MARCHF4: variants seen among roughly 807,000 people sequenced by gnomAD.
The protein encoded by MARCHF4 is membrane associated ring-CH-type finger 4, also known as E3 ubiquitin-protein ligase MARCHF4.
MARCHF4 carries 14 observed loss-of-function variants against 43.9 expected under a neutral mutation model. That is an observed-to-expected ratio of 0.32 (90% CI 0.21 to 0.50). MARCHF4 has a LOEUF of 0.50. Among genes scored for constraint, MARCHF4 ranks in the 20% least tolerant of loss-of-function variants. MARCHF4 has a pLI of 0.98. For missense variants in MARCHF4, 468 were observed against 536.7 expected (o/e 0.87, Z 1.27); for synonymous variants, 226 against 213.3 (o/e 1.06, Z -0.52).
chr2:216,293,140 C>T (rs1380694596), intron 1 of MARCHF4, among the ~76,000 whole-genome samples: 1 of 152,140 alleles, frequency 6.6e-6, no homozygotes, highest in Non-Finnish European at 1.5e-5. Flanking sequence ...TGTCTGATAG[C>T]GTGTGAGCAG....
At chr2:216,328,503 A>C (rs1440584587) in intron 1 of MARCHF4, among the ~76,000 whole-genome samples, 3 of 152,180 alleles carry the variant, frequency 2.0e-5, no homozygotes, top group Admixed American at 1.3e-4. Context: ...CCTAGGACTT[A>C]TGGTTCTATT....
intron 1 of MARCHF4, among the ~76,000 whole-genome samples, chr2:216,303,025 A>C (rs913389680): frequency 2.0e-5 from 3 of 151,874 alleles, no homozygotes; most frequent in African/African-American, 7.3e-5. Flanking sequence ...TTCTTCTCTC[A>C]CAGCTCCTTT....
chr2:216,277,879 G>A lies in MARCHF4; in HGVS notation c.673-15C>T, dbSNP rs1325551691. On this transcript the variant is annotated splice_polypyrimidine_tract_variant and intron_variant, in intron 2 of 3. Transcript: ENST00000273067. ...ATGGCCTGCCACTGCAGGGGAGAGA[G>A]TGGCCAGTTAGCAGTTGCTTGGATG... The A allele has an allele frequency of 1.3e-6, 2 of 1,596,760 alleles. No homozygotes were observed. The highest frequency in any genetic ancestry group is 2.2e-5 in the South Asian group (2 of 90,028).
chr2:216,364,215 A>G (rs1270731963), intron 1 of MARCHF4, among the ~76,000 whole-genome samples: 1 of 151,980 alleles, frequency 6.6e-6, no homozygotes, highest in African/African-American at 2.4e-5. Context: ...TTTTTCCTAA[A>G]TGTTCTCTTT....
chr2:216,356,090 T>C (rs570476724), intron 1 of MARCHF4, among the ~76,000 whole-genome samples: 1 of 152,204 alleles, frequency 6.6e-6, no homozygotes, highest in Non-Finnish European at 1.5e-5. Flanking sequence ...GGGATCACCA[T>C]GGGATAAATA....
intron 1 of MARCHF4, among the ~76,000 whole-genome samples, chr2:216,316,450 T>C (rs1691777803): frequency 6.6e-6 from 1 of 152,112 alleles, no homozygotes; most frequent in Non-Finnish European, 1.5e-5. Flanking sequence ...GCTCTCTGAT[T>C]CAAGGAAAGA....
chr2:216,366,387 C>A (rs1220996112), intron 1 of MARCHF4, among the ~76,000 whole-genome samples: 2 of 152,158 alleles, frequency 1.3e-5, no homozygotes, highest in East Asian at 3.9e-4. Context: ...GTTCTACAGT[C>A]TCATGGGCCC....
At chr2:216,283,320 A>G (rs988986192) in intron 2 of MARCHF4, among the ~76,000 whole-genome samples, 1 of 149,728 alleles carries the variant, frequency 6.7e-6, no homozygotes, top group African/African-American at 2.5e-5. Flanking sequence ...GATTCTCCAC[A>G]CTTCTTTCCT....
chr2:216,316,169 C>T (rs1042376386), intron 1 of MARCHF4, among the ~76,000 whole-genome samples: 3 of 152,204 alleles, frequency 2.0e-5, no homozygotes, highest in African/African-American at 4.8e-5. Flanking sequence ...GGTGACACAG[C>T]GCGACACTGC....
At chr2:216,272,524 A>G (rs1167311975) in intron 3 of MARCHF4, among the ~76,000 whole-genome samples, 4 of 152,200 alleles carry the variant, frequency 2.6e-5, no homozygotes, top group Non-Finnish European at 5.9e-5. Flanking sequence ...GAAGAAATAG[A>G]TAGTAGAAAG....
At chr2:216,265,000 C>G (rs1002563325) in intron 3 of MARCHF4, among the ~76,000 whole-genome samples, 1 of 151,956 alleles carries the variant, frequency 6.6e-6, no homozygotes, top group African/African-American at 2.4e-5. Flanking sequence ...GGCAGCGTAC[C>G]GAAGAAACAG....
chr2:216,300,813 CA>C (rs1212308017), intron 1 of MARCHF4, among the ~76,000 whole-genome samples: 1 of 152,126 alleles, frequency 6.6e-6, no homozygotes, highest in Non-Finnish European at 1.5e-5. Flanking sequence ...CTAAAGGAAT[CA>C]AAGGGTATCT....
At chr2:216,340,864 C>A (rs926887774) in intron 1 of MARCHF4, among the ~76,000 whole-genome samples, 2 of 152,182 alleles carry the variant, frequency 1.3e-5, no homozygotes, top group African/African-American at 2.4e-5. Context: ...CCAGTCTACT[C>A]AGTGATATGA....
chr2:216,262,664 G>C (rs1354004200), intron 3 of MARCHF4, among the ~76,000 whole-genome samples: 1 of 152,114 alleles, frequency 6.6e-6, no homozygotes, highest in Non-Finnish European at 1.5e-5. Flanking sequence ...TGGGGCTGGA[G>C]TGTGCTGGAG....
At chr2:216,305,704 T>A (rs1331088993) in intron 1 of MARCHF4, among the ~76,000 whole-genome samples, 1 of 152,214 alleles carries the variant, frequency 6.6e-6, no homozygotes, top group Non-Finnish European at 1.5e-5. Context: ...ATCCATGTTT[T>A]TGGCCTTCCA....
chr2:216,328,408 G>A (rs183100563), intron 1 of MARCHF4, among the ~76,000 whole-genome samples: 2 of 152,202 alleles, frequency 1.3e-5, no homozygotes, highest in East Asian at 3.9e-4. Context: ...CTCGTGATTC[G>A]CCCAACAATC....
At chr2:216,364,462 A>C (rs909893826) in intron 1 of MARCHF4, among the ~76,000 whole-genome samples, 5 of 152,060 alleles carry the variant, frequency 3.3e-5, no homozygotes, top group African/African-American at 7.2e-5. Context: ...TCTGCTCCCC[A>C]TTCAGCTGCA....
At chr2:216,324,746 C>A in intron 1 of MARCHF4, among the ~76,000 whole-genome samples, 1 of 126,766 alleles carries the variant, frequency 7.9e-6, no homozygotes, top group Non-Finnish European at 1.6e-5. Context: ...GCAGAAAAGG[C>A]CTTTGACAAA....
At chr2:216,293,671 G>T (rs1691348818) in intron 1 of MARCHF4, among the ~76,000 whole-genome samples, 1 of 84,602 alleles carries the variant, frequency 1.2e-5, no homozygotes, top group African/African-American at 2.8e-5. Flanking sequence ...TAATTATTTT[G>T]TTCCTACAGT....
Sources: gnomAD v4.1 joint callset for allele counts (sites outside exome capture counted in the v4.1 genomes callset) on GRCh38, gnomAD v4.1.1 for gene constraint, MANE v1.5 for transcripts, NCBI Gene and HGNC (gene_info 2026-07-23, HGNC 2026-07-21) for gene names.